The following SLC9B2 variants were observed in gnomAD, a reference collection of about 807,000 sequenced individuals.
SLC9B2 encodes the protein sodium/hydrogen exchanger 9B2.
SLC9B2 carries 39 observed loss-of-function variants against 52.2 expected under a neutral mutation model. The ratio of observed to expected loss-of-function variants is 0.75; its 90% CI spans 0.58 to 0.98. SLC9B2 has a LOEUF of 0.98. Ranked by LOEUF, SLC9B2 falls within the 50% of genes least tolerant of loss-of-function variation. The pLI is 0.00. For synonymous variants in SLC9B2, 214 were observed against 227.0 expected (o/e 0.94, Z 0.51); for missense variants, 626 against 637.5 (o/e 0.98, Z 0.19).
At chr4:103,030,168 C>G (rs577078980) in intron 10 of SLC9B2, among the ~76,000 whole-genome samples, 84 of 152,140 alleles carry the variant, frequency 5.5e-4, no homozygotes, top group Non-Finnish European at 1.1e-3. Context: ...GTCCAATCAA[C>G]AATTGGATAT....
intron 4 of SLC9B2, among the ~76,000 whole-genome samples, chr4:103,051,566 G>C (rs1744687873): frequency 6.6e-6 from 1 of 152,210 alleles, no homozygotes; most frequent in Non-Finnish European, 1.5e-5. Flanking sequence ...ATATGAACAG[G>C]CTTGGTTTTT....
intron 11 of SLC9B2, among the ~76,000 whole-genome samples, chr4:103,026,801 ACGTTGTG>A (rs1742263127): frequency 6.6e-6 from 1 of 152,224 alleles, no homozygotes. Flanking sequence ...ACAAACCTGC[ACGTTGTG>A]CACATGTACC....
At chr4:103,041,238 CA>C (rs1326566290) in intron 9 of SLC9B2, among the ~76,000 whole-genome samples, 2 of 151,838 alleles carry the variant, frequency 1.3e-5, no homozygotes, top group Non-Finnish European at 2.9e-5. Context: ...GTAAAAAAAC[CA>C]AAAACCCAAC....
At chr4:103,038,791 TAA>T (rs1420681950) in intron 9 of SLC9B2, among the ~76,000 whole-genome samples, 1 of 151,994 alleles carries the variant, frequency 6.6e-6, no homozygotes, top group Admixed American at 6.6e-5. Context: ...AAAAAATCTG[TAA>T]AAGTCATTAG....
chr4:103,047,125 A>G lies in SLC9B2; in HGVS notation c.815T>C (p.Met272Thr). ...AATGTCATCGAAGCTGCCAGCTGCC[A>G]TGAGCAAGGTTGGGACACCCTTCTC... is the stretch of plus-strand genomic sequence containing the variant. ...GVEKGVPTLL[M>T]AAGSFDDILA... The change falls in exon 7 of 12, where the codon ATG becomes ACG. Residue 272 changes from methionine (M) to threonine (T), a missense_variant. Met to Thr is a moderately conservative substitution (Grantham distance 81). Coordinates refer to ENST00000394785, the MANE Select transcript of SLC9B2 (RefSeq NM_178833.7). The G allele has an allele frequency of 4.3e-6, 7 of 1,614,046 alleles. No individual in the cohort carries two copies. Among genetic ancestry groups the G allele is most frequent in the Non-Finnish European group, 5.9e-6 (7 of 1,179,944 alleles).
rs1346949437 is a variant in SLC9B2 at position 103,046,651 on chromosome 4, A to ATTTTGTGTGAAGTCTCCACACATC, written c.889+376_889+399dup. ...TGTGCTCCTTGAAAAACCCACTCATATTTTGTGTGAAGTCTCCACACATCT... is the reference window on the plus strand; with the variant it reads ...TGTGCTCCTTGAAAAACCCACTCATATTTTGTGTGAAGTCTCCACACATCTTTTGTGTGAAGTCTCCACACATCT... On this transcript the variant is annotated intron_variant, in intron 7 of 11. Coordinates refer to ENST00000394785, the MANE Select transcript of SLC9B2 (RefSeq NM_178833.7). Among the ~76,000 whole-genome samples the ATTTTGTGTGAAGTCTCCACACATC allele has an allele frequency of 7.1e-4, 78 of 110,330 alleles. 7 individuals are homozygous for ATTTTGTGTGAAGTCTCCACACATC. The highest frequency in any genetic ancestry group is 1.5e-3 in the African/African-American group (40 of 25,818). The allele number at this position is 110,330 out of a possible 152,430, so 72.4% of individuals were successfully genotyped here. A position where few individuals can be genotyped will look rare whatever the true frequency, so the allele number is the denominator to read the frequency against.
At chr4:103,063,886 G>T (rs1745875843) in intron 3 of SLC9B2, among the ~76,000 whole-genome samples, 1 of 152,112 alleles carries the variant, frequency 6.6e-6, no homozygotes, top group African/African-American at 2.4e-5. Flanking sequence ...GCAAAGACCT[G>T]AATTTTTCAA....
chr4:103,062,819 C>T (rs1412562167), intron 3 of SLC9B2, among the ~76,000 whole-genome samples: 1 of 152,090 alleles, frequency 6.6e-6, no homozygotes, highest in Non-Finnish European at 1.5e-5. Flanking sequence ...ACTATGTTAG[C>T]CAGGCTGGTC....
chr4:103,048,943 A>G lies in SLC9B2; in HGVS notation c.663T>C (p.Leu221=). The G allele has an allele frequency of 1.2e-6, 2 of 1,614,020 alleles. No homozygotes were observed. The highest frequency in any genetic ancestry group is 2.2e-5 in the South Asian group (2 of 91,070). The stretch of plus-strand genomic sequence containing the variant: ...GTAAACCCAGCAGGTAATGGGCAAG[A>G]AGAGCAGATGTGCACGCCTCCACAA... ...PCIVEACTSA[L]LAHYLLGLPW... The change falls in exon 6 of 12, where the codon CTT becomes CTC. Residue 221 remains leucine, a synonymous_variant. Coordinates refer to ENST00000394785, the MANE Select transcript of SLC9B2 (RefSeq NM_178833.7).
Position 103,076,376 on chromosome 4 carries a change from C to A in SLC9B2, c.-235G>T, listed in dbSNP as rs1001870331. On this transcript the variant is annotated 5_prime_UTR_variant, in exon 1 of 12. Transcript: ENST00000394785. ...GGCGCGGCACCGCGTGTAGTCGGCC[C>A]CGCCTTTCGCACGAACCCGCTGGGC... 6.6e-6 allele frequency: 1 copy of A among 152,342 alleles called. No homozygotes were observed. The highest frequency in any genetic ancestry group is 2.4e-5 in the African/African-American group (1 of 41,466). 9.4% of individuals were successfully genotyped at this position (152,342 alleles called of 1,614,324 possible). A position where few individuals can be genotyped will look rare whatever the true frequency, so the allele number is the denominator to read the frequency against.
In SLC9B2 at chr4:103,050,250, A is replaced by G; in HGVS notation, c.575T>C (p.Leu192Pro). 1.9e-6 allele frequency: 3 copies of G among 1,581,876 alleles called. No homozygotes were observed. The highest frequency in any genetic ancestry group is 2.7e-5 in the African/African-American group (2 of 72,900). ...SIILVRAGLG[L>P]DSKALKKLKG... ...ATTTACATTTCATACCTTTGAATCCAGACCAAGGCCAGCACGAACCAGAAT... is the reference window on the plus strand; with the variant it reads ...ATTTACATTTCATACCTTTGAATCCGGACCAAGGCCAGCACGAACCAGAAT... Residue 192 changes from leucine to proline, a missense_variant, in exon 5 of 12, where the codon CTG (leucine) becomes CCG (proline). Transcript: ENST00000394785.
In SLC9B2 at chr4:103,057,983, C is replaced by G. The variant is rs1175520476; in HGVS notation, c.272-12G>C. 1 of 1,598,932 alleles carries G rather than the reference C, an allele frequency of 6.3e-7. No homozygotes were observed. Among genetic ancestry groups the G allele is most frequent in the African/African-American group, 1.4e-5 (1 of 73,886 alleles). ...AACAATGATGGTAACTGAAATAAACCAGGAATACTAGTTACTATCAATAAG... is the reference window on the plus strand; with the variant it reads ...AACAATGATGGTAACTGAAATAAACGAGGAATACTAGTTACTATCAATAAG... On this transcript the variant is annotated splice_polypyrimidine_tract_variant and intron_variant, in intron 3 of 11. Transcript: ENST00000394785.
Position 103,026,330 on chromosome 4 carries a change from G to A in SLC9B2, c.*40C>T, listed in dbSNP as rs779095943. On this transcript the variant is annotated 3_prime_UTR_variant, in exon 12 of 12. Transcript: ENST00000394785. ...AATATGCATCTTGAAAAAAGTAGCA[G>A]CTTTCTAAACATTATGTTCAGCACT... 6.6e-7 allele frequency: 1 copy of A among 1,508,738 alleles called. No individual in the cohort carries two copies. The highest frequency in any genetic ancestry group is 1.3e-5 in the South Asian group (1 of 76,714). The allele number at this position is 1,508,738 out of a possible 1,614,324, so 93.5% of individuals were successfully genotyped here. A position where few individuals can be genotyped will look rare whatever the true frequency, so the allele number is the denominator to read the frequency against.
intron 3 of SLC9B2, chr4:103,065,261 A>C (rs886201541): frequency 6.6e-6 from 1 of 152,120 alleles, no homozygotes; most frequent in African/African-American, 2.4e-5. Context: ...CACAGGATAC[A>C]AAATTTCAGT....
chr4:103,073,842 C>CA (rs1746885816), intron 1 of SLC9B2, among the ~76,000 whole-genome samples: 1 of 152,176 alleles, frequency 6.6e-6, no homozygotes, highest in African/African-American at 2.4e-5. Flanking sequence ...GAATCTACCC[C>CA]AAGTGGGACA....
chr4:103,055,777 G>A (rs1461637303), intron 4 of SLC9B2, among the ~76,000 whole-genome samples: 3 of 151,092 alleles, frequency 2.0e-5, no homozygotes, highest in Non-Finnish European at 4.4e-5. Context: ...TGCCTCTGTG[G>A]TAAACAAATT....
rs1745285403 is a variant in SLC9B2 at position 103,057,828 on chromosome 4, T to C, written c.415A>G (p.Thr139Ala). The C allele has an allele frequency of 1.2e-6, 2 of 1,613,938 alleles. No homozygotes were observed. Among genetic ancestry groups the C allele is most frequent in the Non-Finnish European group, 1.7e-6 (2 of 1,179,984 alleles). Residue 139 changes from threonine (T) to alanine (A), a missense_variant, in exon 4 of 12, where the codon ACA becomes GCA. Coordinates refer to ENST00000394785, the MANE Select transcript of SLC9B2 (RefSeq NM_178833.7). ...AGAAGAGAAGGCAGTGGAGGCAATG[T>C]AGGTAACTTAATAAGCCCCAAAAGT... ...GKLLGLIKLP[T>A]LPPLPSLLGM... is the part of the protein sequence containing the mutation.
rs889725233 is a variant in SLC9B2 at position 103,042,229 on chromosome 4, T to C, written c.1146+1067A>G. On this transcript the variant is annotated intron_variant, in intron 9 of 11. Coordinates refer to ENST00000394785, the MANE Select transcript of SLC9B2 (RefSeq NM_178833.7). The stretch of plus-strand genomic sequence containing the variant: ...TTGTAACGTTTCCATATTTTCCATA[T>C]GGCATTATTTTAATTATTTAAGTTT... The C allele has an allele frequency of 9.2e-5, 14 of 152,268 alleles. No homozygotes were observed. In the East Asian group the frequency reaches 2.5e-3, roughly 27 times the overall value. The allele number at this position is 152,268 out of a possible 1,614,324, so 9.4% of individuals were successfully genotyped here. A position where few individuals can be genotyped will look rare whatever the true frequency, so the allele number is the denominator to read the frequency against.
chr4:103,058,051 A>G, intron 3 of SLC9B2, 80 bp from the exon 4 acceptor site: 2 of 1,255,316 alleles, frequency 1.6e-6, no homozygotes, highest in Non-Finnish European at 2.2e-6. Context: ...TAATTTGTAA[A>G]AATAAATACT....
Sources: gnomAD v4.1 joint callset for allele counts (sites outside exome capture counted in the v4.1 genomes callset) on GRCh38, gnomAD v4.1.1 for gene constraint, MANE v1.5 for transcripts, NCBI Gene and HGNC (gene_info 2026-07-23, HGNC 2026-07-21) for gene names.